Variants in DLGAP1 observed in about 807,000 individuals in gnomAD.
DLGAP1 encodes the protein disks large-associated protein 1.
DLGAP1 carries 11 observed loss-of-function variants against 90.8 expected under a neutral mutation model. The observed-to-expected ratio is 0.12, with a 90% CI of 0.08 to 0.20. DLGAP1 has a LOEUF of 0.20. Among genes scored for constraint, DLGAP1 ranks in the 10% least tolerant of loss-of-function variants. The pLI, the probability that DLGAP1 is intolerant of heterozygous loss-of-function variation, is 1.00. For synonymous variants in DLGAP1, 558 were observed against 540.7 expected (o/e 1.03, Z -0.44); for missense variants, 1,050 against 1,333.8 (o/e 0.79, Z 3.31).
intron 10 of DLGAP1, among the ~76,000 whole-genome samples, chr18:3,532,209 A>G (rs905489548): frequency 2.6e-5 from 4 of 152,162 alleles, no homozygotes; most frequent in African/African-American, 9.7e-5. Context: ...TGGAGACAAG[A>G]CTGGCCAGTT....
rs550534871 is a variant in DLGAP1 at position 3,790,219 on chromosome 18, T to C, written c.1172+23840A>G. Among the ~76,000 whole-genome samples, 5 of 152,256 alleles carry C rather than the reference T, an allele frequency of 3.3e-5. No individual in the cohort carries two copies. In the South Asian group the frequency reaches 1.0e-3, roughly 32 times the overall value. The stretch of plus-strand genomic sequence containing the variant: ...TGAATGGTGGAACTTGGCTCTTCTT[T>C]GTTTGGACAGTTTCAAAATCTTCCT... On this transcript the variant is annotated intron_variant, in intron 5 of 12. Coordinates refer to ENST00000315677, the MANE Select transcript of DLGAP1 (RefSeq NM_004746.4).
At chr18:4,227,234 T>G (rs1348749692) in intron 1 of DLGAP1, among the ~76,000 whole-genome samples, 1 of 151,798 alleles carries the variant, frequency 6.6e-6, no homozygotes, top group Non-Finnish European at 1.5e-5. Context: ...AAGAGAGAGG[T>G]AGACCCCTAT....
intron 1 of DLGAP1, among the ~76,000 whole-genome samples, chr18:4,449,939 T>C (rs2083777114): frequency 6.6e-6 from 1 of 152,160 alleles, no homozygotes; most frequent in African/African-American, 2.4e-5. Flanking sequence ...CAGGAAAGAC[T>C]TCCAAATGCA....
chr18:4,143,648 A>C (rs922982468), intron 2 of DLGAP1, among the ~76,000 whole-genome samples: 1 of 151,628 alleles, frequency 6.6e-6, no homozygotes, highest in Non-Finnish European at 1.5e-5. Context: ...GACAAAGTCC[A>C]CTTTACTTTC....
chr18:3,723,782 G>T (rs1464869894), intron 7 of DLGAP1, among the ~76,000 whole-genome samples: 1 of 152,182 alleles, frequency 6.6e-6, no homozygotes, highest in Non-Finnish European at 1.5e-5. Flanking sequence ...TGCCAGGAAT[G>T]GGGGAGGGTG....
intron 7 of DLGAP1, among the ~76,000 whole-genome samples, chr18:3,710,349 T>C (rs918416052): frequency 2.6e-5 from 4 of 152,130 alleles, no homozygotes; most frequent in Non-Finnish European, 4.4e-5. Context: ...CCCTACGTCA[T>C]CCCCCGCCCT....
intron 2 of DLGAP1, among the ~76,000 whole-genome samples, chr18:4,146,734 G>A (rs911857453): frequency 5.9e-5 from 9 of 151,854 alleles, no homozygotes; most frequent in Admixed American, 1.3e-4. Context: ...TTAAAAAAAC[G>A]AATTTTCAAG....
intron 1 of DLGAP1, among the ~76,000 whole-genome samples, chr18:4,325,414 C>T (rs1376165824): frequency 6.6e-6 from 1 of 152,020 alleles, no homozygotes; most frequent in Non-Finnish European, 1.5e-5. Context: ...GAATCAATAT[C>T]ATCAAAATGG....
chr18:4,445,554 T>A lies in DLGAP1; in HGVS notation c.-267+9452A>T, dbSNP rs553425226. Among the ~76,000 whole-genome samples the A allele has an allele frequency of 6.2e-4, 94 of 150,510 alleles. 1 individual carries two copies. The highest frequency in any genetic ancestry group is 2.1e-3 in the African/African-American group (84 of 40,922). ...TGAGTGAGAATATGCGGTGTTTGGT[T>A]TTTTGTTCTTGCGATAGTTTACTGA... On this transcript the variant is annotated intron_variant, in intron 1 of 12. Coordinates refer to ENST00000315677, the MANE Select transcript of DLGAP1 (RefSeq NM_004746.4).
At chr18:4,118,665 G>GAGC in intron 2 of DLGAP1, among the ~76,000 whole-genome samples, 1 of 151,988 alleles carries the variant, frequency 6.6e-6, no homozygotes, top group Non-Finnish European at 1.5e-5. Context: ...GGGAGCTGGG[G>GAGC]TGGTGGTGGG....
At chr18:4,091,984 G>T (rs1350875687) in intron 2 of DLGAP1, among the ~76,000 whole-genome samples, 5 of 151,942 alleles carry the variant, frequency 3.3e-5, no homozygotes, top group Non-Finnish European at 7.4e-5. Flanking sequence ...AAGATAAATA[G>T]TATCTATGTC....
intron 5 of DLGAP1, among the ~76,000 whole-genome samples, chr18:3,745,762 T>C (rs945381855): frequency 6.6e-6 from 1 of 152,058 alleles, no homozygotes; most frequent in African/African-American, 2.4e-5. Flanking sequence ...CGATCTCAGC[T>C]CACTGCAATC....
intron 5 of DLGAP1, among the ~76,000 whole-genome samples, chr18:3,762,898 C>A (rs1304833797): frequency 1.3e-5 from 2 of 152,208 alleles, no homozygotes; most frequent in African/African-American, 4.8e-5. Flanking sequence ...AATGATACTT[C>A]ACCTTTCAAA....
chr18:3,943,010 T>C (rs1358644609), intron 3 of DLGAP1, among the ~76,000 whole-genome samples: 2 of 152,106 alleles, frequency 1.3e-5, no homozygotes, highest in African/African-American at 4.8e-5. Flanking sequence ...ATGCAGCTAT[T>C]AAAAATAAAT....
chr18:3,850,675 T>C (rs2069286186), intron 4 of DLGAP1, among the ~76,000 whole-genome samples: 1 of 152,096 alleles, frequency 6.6e-6, no homozygotes, highest in African/African-American at 2.4e-5. Context: ...GTTCTGTATA[T>C]AGTAGCATGA....
intron 2 of DLGAP1, among the ~76,000 whole-genome samples, chr18:4,045,795 T>C (rs1598298126): frequency 1.3e-5 from 2 of 151,546 alleles, no homozygotes; most frequent in East Asian, 3.9e-4. Flanking sequence ...AACTTTTTTT[T>C]TTTTTTTTTT....
intron 1 of DLGAP1, among the ~76,000 whole-genome samples, chr18:4,258,010 TGCGC>T (rs57523543): frequency 0.026 from 3,595 of 136,960 alleles, 89 homozygotes; most frequent in African/African-American, 0.067. Context: ...TGTGTGTGTG[TGCGC>T]GCGCGCGCGT....
At chr18:3,662,704 A>T (rs917931821) in intron 7 of DLGAP1, among the ~76,000 whole-genome samples, 1 of 152,248 alleles carries the variant, frequency 6.6e-6, no homozygotes, top group Non-Finnish European at 1.5e-5. Flanking sequence ...GCAGAGAATC[A>T]TTCCAGAGAG....
At chr18:4,098,332 A>C (rs1035679595) in intron 2 of DLGAP1, among the ~76,000 whole-genome samples, 2 of 152,246 alleles carry the variant, frequency 1.3e-5, no homozygotes, top group East Asian at 3.8e-4. Flanking sequence ...GAAAAGGTTA[A>C]ATGTCTTCAC....
Sources: allele counts gnomAD v4.1 joint callset (sites outside exome capture counted in the v4.1 genomes callset), GRCh38; gene constraint gnomAD v4.1.1; transcripts MANE v1.5; gene names NCBI Gene and HGNC (gene_info 2026-07-23, HGNC 2026-07-21).